TENM4: variants seen among roughly 807,000 people sequenced by gnomAD.
TENM4 encodes teneurin transmembrane protein 4, also known as teneurin-4.
A neutral mutation model predicts 243.3 loss-of-function variants in TENM4; 82 were observed. That is an observed-to-expected ratio of 0.34 (90% confidence interval 0.28 to 0.40). The LOEUF (loss-of-function observed/expected upper bound fraction) is 0.40. Among genes scored for constraint, TENM4 ranks in the 10% least tolerant of loss-of-function variants. TENM4 has a pLI of 1.00. For missense variants in TENM4, 3,138 were observed against 3,673.3 expected, an observed-to-expected ratio of 0.85 and a Z score of 3.77; for synonymous variants, 1,412 against 1,456.3, an observed-to-expected ratio of 0.97 and a Z score of 0.69.
At chr11:78,967,494 A>G (rs563734551) in intron 6 of TENM4, among the ~76,000 whole-genome samples, 6 of 152,316 alleles carry the variant, frequency 3.9e-5, no homozygotes, top group African/African-American at 1.4e-4. Context: ...CCGGGGCTGT[A>G]CTGTAGAAGG....
intron 1 of TENM4, among the ~76,000 whole-genome samples, chr11:79,370,247 C>T (rs1360143031): frequency 6.6e-6 from 1 of 152,198 alleles, no homozygotes; most frequent in Non-Finnish European, 1.5e-5. Flanking sequence ...AGGCCAGGGC[C>T]CTCCATACCA....
intron 6 of TENM4, among the ~76,000 whole-genome samples, chr11:78,995,032 A>G (rs1858137295): frequency 6.6e-6 from 1 of 152,222 alleles, no homozygotes; most frequent in Middle Eastern, 3.2e-3. Flanking sequence ...GTAGTGAGTG[A>G]GGTGACAAAG....
At chr11:79,029,523 G>A (rs958775359) in intron 6 of TENM4, among the ~76,000 whole-genome samples, 24 of 151,984 alleles carry the variant, frequency 1.6e-4, no homozygotes, top group Middle Eastern at 3.2e-3. Flanking sequence ...AATCATTCTC[G>A]TCCAAATACA....
intron 3 of TENM4, among the ~76,000 whole-genome samples, chr11:79,150,862 C>A (rs1019049318): frequency 6.6e-6 from 1 of 152,206 alleles, no homozygotes; most frequent in Non-Finnish European, 1.5e-5. Flanking sequence ...AAGGGCATAC[C>A]AATCACTGTG....
rs148902494 is a variant in TENM4, at chr11:78,975,598, C to CCACA, written c.494-72079_494-72076dup. Reference sequence around the variant, plus strand: ...TATTACTTCCTTGGGATACACACACCCACACACACACACACACACATATAT... The same window carrying CCACA: ...TATTACTTCCTTGGGATACACACACCCACACACACACACACACACACACATATAT... On this transcript the variant is annotated intron_variant, in intron 6 of 33. Coordinates refer to ENST00000278550, the MANE Select transcript of TENM4 (RefSeq NM_001098816.3). Among the ~76,000 whole-genome samples the CCACA allele has an allele frequency of 6.3e-3, 933 of 148,286 alleles. 6 individuals carry two copies. Among genetic ancestry groups the CCACA allele is most frequent in the Non-Finnish European group, 0.01 (694 of 67,122 alleles).
At chr11:78,999,009 C>T (rs757445628) in intron 6 of TENM4, among the ~76,000 whole-genome samples, 10 of 152,204 alleles carry the variant, frequency 6.6e-5, no homozygotes, top group Non-Finnish European at 1.3e-4. Flanking sequence ...TATTTCCCTT[C>T]ATCTCACATC....
intron 1 of TENM4, among the ~76,000 whole-genome samples, chr11:79,346,225 T>C (rs1396692992): frequency 1.3e-5 from 2 of 152,180 alleles, no homozygotes; most frequent in Non-Finnish European, 2.9e-5. Flanking sequence ...CAAATGCCAT[T>C]TGTTGATTCA....
chr11:78,733,387 G>A (rs1855713489), intron 20 of TENM4, among the ~76,000 whole-genome samples: 1 of 152,144 alleles, frequency 6.6e-6, no homozygotes, highest in African/African-American at 2.4e-5. Context: ...GACACCAAAT[G>A]GGTTTGCTCT....
intron 1 of TENM4, among the ~76,000 whole-genome samples, chr11:79,327,290 G>T (rs1856990190): frequency 6.6e-6 from 1 of 152,170 alleles, no homozygotes; most frequent in Non-Finnish European, 1.5e-5. Context: ...ATCACTAGAT[G>T]ATAGTGAATT....
chr11:79,430,638 C>G (rs1272110638), intron 1 of TENM4, among the ~76,000 whole-genome samples: 2 of 152,224 alleles, frequency 1.3e-5, no homozygotes, highest in Non-Finnish European at 2.9e-5. Flanking sequence ...TGAGCACAAT[C>G]CACACAGCCA....
At chr11:79,238,710 C>T (rs1864528735) in intron 2 of TENM4, among the ~76,000 whole-genome samples, 1 of 152,046 alleles carries the variant, frequency 6.6e-6, no homozygotes, top group Admixed American at 6.6e-5. Context: ...TTCTGAAGAA[C>T]CCAGACTAAT....
intron 6 of TENM4, among the ~76,000 whole-genome samples, chr11:79,016,299 C>G (rs899168307): frequency 6.6e-6 from 1 of 151,940 alleles, no homozygotes; most frequent in African/African-American, 2.4e-5. Flanking sequence ...GAAAAGTGAA[C>G]CTGGGAGACA....
At chr11:79,307,372 G>A (rs538031005) in intron 1 of TENM4, among the ~76,000 whole-genome samples, 10 of 152,132 alleles carry the variant, frequency 6.6e-5, no homozygotes, top group African/African-American at 1.2e-4. Flanking sequence ...TCCACCGGCC[G>A]CACAAGCTAG....
chr11:78,849,404 CTG>C (rs1231523680), intron 12 of TENM4, among the ~76,000 whole-genome samples: 4 of 152,134 alleles, frequency 2.6e-5, no homozygotes, highest in Admixed American at 2.0e-4. Context: ...TAGTGAGAGA[CTG>C]TGGTATTGTG....
intron 1 of TENM4, among the ~76,000 whole-genome samples, chr11:79,328,082 T>C (rs2135439281): frequency 6.6e-6 from 1 of 152,332 alleles, no homozygotes; most frequent in South Asian, 2.1e-4. Flanking sequence ...AGTCAAAACA[T>C]TTCTCTTTCA....
At chr11:78,993,339 T>C (rs1376317099) in intron 6 of TENM4, among the ~76,000 whole-genome samples, 1 of 152,246 alleles carries the variant, frequency 6.6e-6, no homozygotes, top group African/African-American at 2.4e-5. Context: ...CTCTTTATAA[T>C]TGATTTTCAG....
In TENM4 at chr11:78,658,275, G is replaced by A. The variant is rs766212604; in HGVS notation, c.8093C>T (p.Ala2698Val). 2.5e-5 allele frequency: 40 copies of A among 1,612,870 alleles called. No individual in the cohort carries two copies. Among genetic ancestry groups the A allele is most frequent in the Non-Finnish European group, 3.1e-5 (37 of 1,179,210 alleles). The change falls in exon 34 of 34, where the codon GCC becomes GTC. Residue 2698 changes from alanine (A) to valine (V), a missense_variant. Transcript: ENST00000278550. ...CTCGCGGGCCCACGCTTGGCGCACG[G>A]CTCTCTGCCGGGCCAGCTCCAGGAC... ...ARVLELARQRAVRQAWAREQQ... is the reference protein window; with the variant it reads ...ARVLELARQRVVRQAWAREQQ...
At chr11:78,761,240 T>A (rs1487711387) in intron 18 of TENM4, among the ~76,000 whole-genome samples, 1 of 151,790 alleles carries the variant, frequency 6.6e-6, no homozygotes, top group Non-Finnish European at 1.5e-5. Context: ...TTCTTTTTTT[T>A]CTTTTTCTTT....
intron 3 of TENM4, among the ~76,000 whole-genome samples, chr11:79,207,638 GT>G (rs779939864): frequency 2.4e-4 from 36 of 152,050 alleles, no homozygotes; most frequent in Non-Finnish European, 4.3e-4. Flanking sequence ...GCCGAGGCAG[GT>G]GGATTGCTTG....
Sources: allele counts gnomAD v4.1 joint callset (sites outside exome capture counted in the v4.1 genomes callset), GRCh38; gene constraint gnomAD v4.1.1; transcripts MANE v1.5; gene names NCBI Gene and HGNC (gene_info 2026-07-23, HGNC 2026-07-21).